Variants in TTLL9 observed in about 807,000 individuals in gnomAD.
The protein encoded by TTLL9 is tubulin tyrosine ligase like 9.
In TTLL9, 47 loss-of-function variants were observed where a neutral mutation model predicts 65.6. The ratio of observed to expected loss-of-function variants is 0.72; its 90% CI spans 0.57 to 0.91. The LOEUF (loss-of-function observed/expected upper bound fraction) is 0.91, where lower values mean the gene tolerates loss of function less well. Ranked by LOEUF, TTLL9 falls within the 40% of genes least tolerant of loss-of-function variation. The pLI is 0.00. For synonymous variants in TTLL9, 179 were observed against 204.8 expected, an observed-to-expected ratio of 0.87 and a Z score of 1.07; for missense variants, 537 against 568.8, an observed-to-expected ratio of 0.94 and a Z score of 0.57.
intron 4 of TTLL9, among the ~76,000 whole-genome samples, chr20:31,907,264 A>C (rs1183090779): frequency 6.6e-6 from 1 of 152,162 alleles, no homozygotes. Flanking sequence ...AGAACCTAAC[A>C]CTTCAGGTTG....
chr20:31,884,043 A>T (rs2063154215), intron 2 of TTLL9: 1 of 539,570 alleles, frequency 1.9e-6, no homozygotes, highest in African/African-American at 2.0e-5. Context: ...TATCCAGAGA[A>T]AACTCAAAGG....
intron 2 of TTLL9, chr20:31,879,685 G>A (rs1187351290): frequency 5.2e-6 from 4 of 776,040 alleles, no homozygotes; most frequent in South Asian, 3.9e-5. Flanking sequence ...GAAGTCGGGG[G>A]ACCTAGGCTG....
intron 11 of TTLL9, 102 bp downstream of exon 11, chr20:31,933,960 C>A: frequency 7.9e-7 from 1 of 1,261,168 alleles, no homozygotes; most frequent in Non-Finnish European, 1.1e-6. Context: ...CCTGTCTGAG[C>A]CTGTGTTCAC....
At chr20:31,916,368 G>A (rs1260014192) in intron 6 of TTLL9, among the ~76,000 whole-genome samples, 2 of 152,210 alleles carry the variant, frequency 1.3e-5, no homozygotes, top group African/African-American at 4.8e-5. Context: ...ATATTGTCGT[G>A]GTTGTTTTTG....
intron 2 of TTLL9, chr20:31,879,498 T>G: frequency 4.5e-6 from 1 of 222,340 alleles, no homozygotes; most frequent in South Asian, 9.6e-5. Context: ...AGTGAGTAAC[T>G]TCGTTAAGTA....
At position 31,923,013 on chromosome 20, in the gene TTLL9, T is replaced by C. The variant is rs759479179; in HGVS notation, c.624T>C (p.Tyr208=). 2 of 1,614,008 alleles carry C rather than the reference T, an allele frequency of 1.2e-6. No individual in the cohort carries two copies. Among genetic ancestry groups the C allele is most frequent in the South Asian group, 2.2e-5 (2 of 91,088 alleles). ...AAGATGATATTCCCGTGGAGAACTA[T>C]GTGGCTCAGCGTTACATTGAAAATC... ...DQKDDIPVEN[Y]VAQRYIENPY... is the part of the protein sequence containing the mutation. Residue 208 remains tyrosine, a synonymous_variant, in exon 8 of 15, where the codon TAT becomes TAC. Coordinates refer to ENST00000535842, the MANE Select transcript of TTLL9 (RefSeq NM_001008409.5).
At position 31,939,139 on chromosome 20, in the gene TTLL9, C is replaced by A; in HGVS notation, c.1119-3C>A. The A allele has an allele frequency of 1.3e-6, 2 of 1,577,074 alleles. No homozygotes were observed. The highest frequency in any genetic ancestry group is 1.8e-5 in the Admixed American group (1 of 56,840). Reference sequence around the variant, plus strand: ...TAACCCTGTGGGCCTCCTTCCTGTCCAGGCTCACGGGAAGGGAGAAGCGAG... The same window carrying A: ...TAACCCTGTGGGCCTCCTTCCTGTCAAGGCTCACGGGAAGGGAGAAGCGAG... On this transcript the variant is annotated splice_polypyrimidine_tract_variant and splice_region_variant and intron_variant, in intron 13 of 14. Transcript: ENST00000535842.
In TTLL9 at chr20:31,943,749, C is replaced by T. The variant is rs1431069473; in HGVS notation, c.*728C>T. On this transcript the variant is annotated 3_prime_UTR_variant, in exon 15 of 15. Coordinates refer to ENST00000535842, the MANE Select transcript of TTLL9 (RefSeq NM_001008409.5). ...GCATTTATCTAAGTCAGATGGGTGA[C>T]TTAAGTGCTTCTCTAGGCCTTGTGT... 1 of 456,728 alleles carries T rather than the reference C, an allele frequency of 2.2e-6. No individual in the cohort carries two copies. The highest frequency in any genetic ancestry group is 1.5e-5 in the South Asian group (1 of 64,570). The allele number at this position is 456,728 out of a possible 1,614,324, so 28.3% of individuals were successfully genotyped here.
At chr20:31,872,880 C>T in intron 2 of TTLL9, 2 of 442,006 alleles carry the variant, frequency 4.5e-6, no homozygotes, top group South Asian at 3.3e-5. Context: ...TGCAGGAGCA[C>T]ATATGGCCAT....
Position 31,934,744 on chromosome 20 carries a change from G to T in TTLL9, c.860G>T (p.Gly287Val). 1 of 1,612,844 alleles carries T rather than the reference G, an allele frequency of 6.2e-7. No individual in the cohort carries two copies. Among genetic ancestry groups the T allele is most frequent in the Non-Finnish European group, 8.5e-7 (1 of 1,179,966 alleles). Residue 287 changes from glycine (G) to valine (V), a missense_variant, in exon 12 of 15, where the codon GGG becomes GTG. Physicochemically the swap from Gly to Val is moderately radical, Grantham distance 109. Coordinates refer to ENST00000535842, the MANE Select transcript of TTLL9 (RefSeq NM_001008409.5). The stretch of plus-strand genomic sequence containing the variant: ...CGGCAGTACCTGGCGTCCAAACACG[G>T]GCCCGAGGCAGTGGAGACACTCTTC... ...RFRQYLASKH[G>V]PEAVETLFRD...
intron 4 of TTLL9, among the ~76,000 whole-genome samples, chr20:31,902,773 A>G (rs1278826343): frequency 6.6e-6 from 1 of 152,152 alleles, no homozygotes; most frequent in Non-Finnish European, 1.5e-5. Flanking sequence ...ACTTTTCTGA[A>G]GTGACTATGC....
chr20:31,890,150 CTTCCTTCT>C (rs1249424786), intron 3 of TTLL9, among the ~76,000 whole-genome samples: 251 of 16,602 alleles, frequency 0.015, no homozygotes, highest in African/African-American at 0.046. Flanking sequence ...TCCTTCCTTC[CTTCCTTCT>C]TTCTTTCTTT....
At chr20:31,873,832 GAAA>G (rs2062995272) in intron 2 of TTLL9, among the ~76,000 whole-genome samples, 1 of 75,658 alleles carries the variant, frequency 1.3e-5, no homozygotes. Flanking sequence ...AAGAAAGAAA[GAAA>G]GAAAGAAAGA....
In TTLL9 at chr20:31,887,211, G is replaced by C; in HGVS notation, c.85G>C (p.Gly29Arg). Residue 29 changes from glycine to arginine, a missense_variant, in exon 3 of 15, where the codon GGC becomes CGC. By Grantham distance (125) the Gly-to-Arg change is moderately radical. Coordinates refer to ENST00000535842, the MANE Select transcript of TTLL9 (RefSeq NM_001008409.5). ...CTCATTGCAGAACCAAAATTACAAG[G>C]GCCATGGATTGTCAAAGGGAAAAGA... is the stretch of plus-strand genomic sequence containing the variant. ...PKKLQNQNYKGHGLSKGKERE... is the reference protein window; with the variant it reads ...PKKLQNQNYKRHGLSKGKERE... 1 of 1,614,098 alleles carries C rather than the reference G, an allele frequency of 6.2e-7. No homozygotes were observed. Among genetic ancestry groups the C allele is most frequent in the East Asian group, 2.2e-5 (1 of 44,882 alleles).
chr20:31,899,753 G>C (rs765944875), intron 4 of TTLL9, among the ~76,000 whole-genome samples: 1 of 151,830 alleles, frequency 6.6e-6, no homozygotes, highest in Non-Finnish European at 1.5e-5. Flanking sequence ...CAGCTACAAG[G>C]GAATCTGGAA....
At chr20:31,891,251 T>C (rs1247795434) in intron 3 of TTLL9, among the ~76,000 whole-genome samples, 1 of 152,236 alleles carries the variant, frequency 6.6e-6, no homozygotes, top group African/African-American at 2.4e-5. Flanking sequence ...GACATAGTCC[T>C]TGATCTTTGT....
At chr20:31,910,787 C>T (rs2063634983) in intron 6 of TTLL9, among the ~76,000 whole-genome samples, 1 of 152,016 alleles carries the variant, frequency 6.6e-6, no homozygotes, top group Non-Finnish European at 1.5e-5. Flanking sequence ...ACAAGTCTGC[C>T]TGGAAAAAAG....
In TTLL9 at chr20:31,939,263, C is replaced by G. The variant is rs753573417; in HGVS notation, c.1240C>G (p.Leu414Val). The change falls in exon 14 of 15, where the codon CTC becomes GTC. Residue 414 changes from leucine to valine, a missense_variant. Physicochemically the swap from Leu to Val is conservative, Grantham distance 32 (BLOSUM62 1). Transcript: ENST00000535842. ...GGGAAACTTTGTGACCAACACACATCTCGGTATGTAGGGCCAGGTGGGGAG... is the reference window on the plus strand; with the variant it reads ...GGGAAACTTTGTGACCAACACACATGTCGGTATGTAGGGCCAGGTGGGGAG... Reference protein sequence around the residue: ...GMGNFVTNTHLGCVNDRKKQL... With the variant: ...GMGNFVTNTHVGCVNDRKKQL... 2.9e-5 allele frequency: 47 copies of G among 1,613,216 alleles called. No homozygotes were observed. Among genetic ancestry groups the G allele is most frequent in the Non-Finnish European group, 3.9e-5 (46 of 1,179,762 alleles).
chr20:31,877,393 G>A (rs1446760455), intron 2 of TTLL9, among the ~76,000 whole-genome samples: 2 of 152,094 alleles, frequency 1.3e-5, no homozygotes, highest in Admixed American at 6.6e-5. Flanking sequence ...TTGGCCTCCC[G>A]AAGTGCTGAG....
Sources: gnomAD v4.1 joint callset for allele counts (sites outside exome capture counted in the v4.1 genomes callset) on GRCh38, gnomAD v4.1.1 for gene constraint, MANE v1.5 for transcripts, NCBI Gene and HGNC (gene_info 2026-07-23, HGNC 2026-07-21) for gene names.